The following DYRK1A variants were observed in gnomAD, a reference collection of about 807,000 sequenced individuals.
DYRK1A encodes dual specificity tyrosine phosphorylation regulated kinase 1A.
Under a neutral mutation model 79.7 loss-of-function variants are expected in DYRK1A, and 9 were observed. The observed-to-expected ratio is 0.11, with a 90% CI of 0.07 to 0.20. The LOEUF (loss-of-function observed/expected upper bound fraction) is 0.20, where lower values mean the gene tolerates loss of function less well. Ranked by LOEUF, DYRK1A falls within the 10% of genes least tolerant of loss-of-function variation. DYRK1A has a pLI of 1.00. For missense variants in DYRK1A, 622 were observed against 956.0 expected, an observed-to-expected ratio of 0.65 and a Z score of 4.61; for synonymous variants, 349 against 329.7, an observed-to-expected ratio of 1.06 and a Z score of -0.63.
intron 2 of DYRK1A, among the ~76,000 whole-genome samples, chr21:37,467,957 C>G (rs2052087973): frequency 6.6e-6 from 1 of 152,142 alleles, no homozygotes; most frequent in African/African-American, 2.4e-5. Flanking sequence ...TGCTACATTA[C>G]TGATACAGGT....
At chr21:37,436,985 G>A (rs905889423) in intron 2 of DYRK1A, among the ~76,000 whole-genome samples, 13 of 152,152 alleles carry the variant, frequency 8.5e-5, no homozygotes, top group Non-Finnish European at 1.8e-4. Context: ...GATTCTTGGC[G>A]AAAATGGTAT....
At chr21:37,432,854 T>C (rs1169870122) in intron 2 of DYRK1A, among the ~76,000 whole-genome samples, 4 of 151,688 alleles carry the variant, frequency 2.6e-5, no homozygotes, top group African/African-American at 9.7e-5. Flanking sequence ...TGCAAGCTTG[T>C]AATCCCAGCT....
chr21:37,475,078 T>C (rs970388903), intron 3 of DYRK1A, among the ~76,000 whole-genome samples: 4 of 152,238 alleles, frequency 2.6e-5, no homozygotes, highest in South Asian at 2.1e-4. Flanking sequence ...AAGTTAATTA[T>C]TGTTTTAGCT....
chr21:37,470,599 T>C (rs971413886), intron 2 of DYRK1A, among the ~76,000 whole-genome samples: 2 of 152,224 alleles, frequency 1.3e-5, no homozygotes, highest in African/African-American at 4.8e-5. Context: ...CCTTAGTCTT[T>C]TACTGTTTAT....
intron 5 of DYRK1A, among the ~76,000 whole-genome samples, chr21:37,481,899 C>G (rs1424655250): frequency 6.6e-6 from 1 of 151,970 alleles, no homozygotes; most frequent in Non-Finnish European, 1.5e-5. Flanking sequence ...CCAGCTGTTC[C>G]CAGTTGTAAG....
rs371122028 is a variant in DYRK1A at position 37,526,043 on chromosome 21, C to A, written c.*13512C>A. The A allele has an allele frequency of 1.6e-4, 24 of 152,322 alleles. No homozygotes were observed. The South Asian group carries it at 1.9e-3, about 12-fold the overall frequency. 9.4% of individuals were successfully genotyped at this position (152,322 alleles called of 1,614,324 possible). ...CTGTGTTAAGTGATTTCAAGAAGAA[C>A]TATTGTTTGAATCACAACTAATGTT... On this transcript the variant is annotated 3_prime_UTR_variant, in exon 12 of 12. Coordinates refer to ENST00000647188, the MANE Select transcript of DYRK1A (RefSeq NM_001347721.2).
chr21:37,431,550 G>A (rs983770508), intron 2 of DYRK1A, among the ~76,000 whole-genome samples: 1 of 152,150 alleles, frequency 6.6e-6, no homozygotes, highest in Non-Finnish European at 1.5e-5. Flanking sequence ...TGTTCCACAT[G>A]TTTTACCCAT....
At chr21:37,434,262 T>C (rs1380311289) in intron 2 of DYRK1A, among the ~76,000 whole-genome samples, 2 of 152,276 alleles carry the variant, frequency 1.3e-5, no homozygotes, top group African/African-American at 4.8e-5. Flanking sequence ...TGGAAAAATA[T>C]CTAAAAATCA....
rs1017978392 is a variant in DYRK1A at position 37,515,004 on chromosome 21, C to G, written c.*2473C>G. 1 of 152,572 alleles carries G rather than the reference C, an allele frequency of 6.6e-6. No individual in the cohort carries two copies. The highest frequency in any genetic ancestry group is 2.4e-5 in the African/African-American group (1 of 41,426). The allele number at this position is 152,572 out of a possible 1,614,324, so 9.5% of individuals were successfully genotyped here. On this transcript the variant is annotated 3_prime_UTR_variant, in exon 12 of 12. Transcript: ENST00000647188. Reference sequence around the variant, plus strand: ...TTTACTACACAGTTTGGTTACAGGACTTCTGTGCATTGTAAACATAAACAG... The same window carrying G: ...TTTACTACACAGTTTGGTTACAGGAGTTCTGTGCATTGTAAACATAAACAG...
Position 37,499,641 on chromosome 21 carries a change from C to G in DYRK1A, c.1212+3383C>G, listed in dbSNP as rs539896578. Among the ~76,000 whole-genome samples, 8 of 150,994 alleles carry G rather than the reference C, an allele frequency of 5.3e-5. No individual in the cohort carries two copies. The East Asian group carries it at 1.5e-3, about 29-fold the overall frequency. ...ATGCAGAAGTCTTACATATTTTGTT[C>G]ACTTTATTCCTTAGTTTTTAATTTT... On this transcript the variant is annotated intron_variant, in intron 9 of 11. Coordinates refer to ENST00000647188, the MANE Select transcript of DYRK1A (RefSeq NM_001347721.2).
chr21:37,501,760 A>T (rs191657765), intron 9 of DYRK1A: 3 of 152,104 alleles, frequency 2.0e-5, no homozygotes, highest in Non-Finnish European at 2.9e-5. Context: ...ATCAATGTAG[A>T]TCAAATTGTT....
intron 1 of DYRK1A, among the ~76,000 whole-genome samples, chr21:37,370,611 C>T (rs1444305826): frequency 1.3e-5 from 2 of 152,116 alleles, no homozygotes; most frequent in Non-Finnish European, 2.9e-5. Flanking sequence ...CACCCCTCCC[C>T]AAGAAAAAAC....
At chr21:37,417,956 G>A (rs2050389728) in intron 1 of DYRK1A, among the ~76,000 whole-genome samples, 1 of 151,734 alleles carries the variant, frequency 6.6e-6, no homozygotes, top group South Asian at 2.1e-4. Context: ...CCATTTGTGG[G>A]GCAGATGATG....
intron 2 of DYRK1A, among the ~76,000 whole-genome samples, chr21:37,441,382 A>G (rs749645959): frequency 2.0e-5 from 3 of 151,946 alleles, no homozygotes; most frequent in Non-Finnish European, 4.4e-5. Context: ...TTTGTGTTTA[A>G]TGTGATTATT....
intron 1 of DYRK1A, among the ~76,000 whole-genome samples, chr21:37,396,851 T>A (rs1298408725): frequency 1.3e-5 from 2 of 152,150 alleles, no homozygotes; most frequent in African/African-American, 4.8e-5. Context: ...GGTAAACAGT[T>A]GAGCCACTCT....
chr21:37,387,468 T>C (rs1302974041), intron 1 of DYRK1A, among the ~76,000 whole-genome samples: 1 of 152,252 alleles, frequency 6.6e-6, no homozygotes, highest in East Asian at 1.9e-4. Flanking sequence ...AGTTTTCTCA[T>C]TCTTTTTAGT....
In DYRK1A at chr21:37,489,812, G is replaced by A. The variant is rs185089282; in HGVS notation, c.638-363G>A. On this transcript the variant is annotated intron_variant, in intron 6 of 11. Coordinates refer to ENST00000647188, the MANE Select transcript of DYRK1A (RefSeq NM_001347721.2). The stretch of plus-strand genomic sequence containing the variant: ...TAGGAAGTTGTGAGGTAGGGCTCTC[G>A]GGAAGTAAAAAGTGCTTTCTTTTAT... 1.6e-3 allele frequency among the ~76,000 whole-genome samples: 241 copies of A among 152,150 alleles called. 2 individuals are homozygous for A. Among genetic ancestry groups the A allele is most frequent in the African/African-American group, 5.3e-3 (221 of 41,526 alleles).
intron 2 of DYRK1A, among the ~76,000 whole-genome samples, chr21:37,454,603 ATTG>A (rs990490974): frequency 3.5e-4 from 53 of 152,322 alleles, no homozygotes; most frequent in Admixed American, 7.2e-4. Flanking sequence ...TTTAAAAAGT[ATTG>A]TTGTAAGTGA....
In DYRK1A at chr21:37,444,185, C is replaced by T. The variant is rs188478873; in HGVS notation, c.10+23801C>T. ...TTATAAATATTTACATGGCATATTT[C>T]TGCACATAAAACATTTTTGAAGACC... On this transcript the variant is annotated intron_variant, in intron 2 of 11. Transcript: ENST00000647188. Among the ~76,000 whole-genome samples, 441 of 152,314 alleles carry T rather than the reference C, an allele frequency of 2.9e-3. 1 individual carries two copies. The highest frequency in any genetic ancestry group is 1.0e-2 in the African/African-American group (415 of 41,572).
Sources: allele counts gnomAD v4.1 joint callset (sites outside exome capture counted in the v4.1 genomes callset), GRCh38; gene constraint gnomAD v4.1.1; transcripts MANE v1.5; gene names NCBI Gene and HGNC (gene_info 2026-07-23, HGNC 2026-07-21).